ACAD10: variants seen among roughly 807,000 people sequenced by gnomAD.
ACAD10 encodes the protein ACAD-10.
In ACAD10, 112 loss-of-function variants were observed where a neutral mutation model predicts 116.8. The ratio of observed to expected loss-of-function variants is 0.96; its 90% CI spans 0.82 to 1.12. The LOEUF is 1.12. Ranked by LOEUF, ACAD10 falls within the 50% of genes most tolerant of loss-of-function variation. ACAD10 has a pLI of 0.00. For synonymous variants in ACAD10, 486 were observed against 510.6 expected (o/e 0.95, Z 0.65); for missense variants, 1,259 against 1,350.2 (o/e 0.93, Z 1.06).
In ACAD10 at chr12:111,693,840, A is replaced by G. The variant is rs117912421; in HGVS notation, c.187+944A>G. 9.6e-3 allele frequency among the ~76,000 whole-genome samples: 1,455 copies of G among 152,286 alleles called. 6 individuals carry two copies. The highest frequency in any genetic ancestry group is 0.015 in the Non-Finnish European group (1,034 of 68,018). ...CAAAACAGTGACTGAAACAAGCTAG[A>G]AGTTTCTTTCTCTTGCACATAAAAG... On this transcript the variant is annotated intron_variant, in intron 2 of 20. Transcript: ENST00000313698.
At position 111,756,433 on chromosome 12, in the gene ACAD10, G is replaced by A. The variant is rs75289932; in HGVS notation, c.3140G>A (p.Arg1047Gln). The change falls in exon 21 of 21, where the codon CGG becomes CAG. Residue 1047 changes from arginine to glutamine, a missense_variant. By Grantham distance (43) the Arg-to-Gln change is conservative. Transcript: ENST00000313698. ...GCCGACGGCCCTGACGAGGTGCACCGGGCCACGGTGGCCAAGCTAGAGCTG... is the reference window on the plus strand; with the variant it reads ...GCCGACGGCCCTGACGAGGTGCACCAGGCCACGGTGGCCAAGCTAGAGCTG... ...RFADGPDEVH[R>Q]ATVAKLELKH... 4,738 of 1,612,550 alleles carry A rather than the reference G, an allele frequency of 2.9e-3. 122 individuals carry two copies. The African/African-American group carries it at 0.054, about 18-fold the overall frequency.
At chr12:111,745,903 G>A (rs1642367332) in intron 13 of ACAD10, among the ~76,000 whole-genome samples, 1 of 142,964 alleles carries the variant, frequency 7.0e-6, no homozygotes, top group Admixed American at 7.3e-5. Flanking sequence ...ATGCAGTGGT[G>A]TGGTCATAGC....
At position 111,709,689 on chromosome 12, in the gene ACAD10, T is replaced by C. The variant is rs777143172; in HGVS notation, c.690+5T>C. ...CTTGGTATTCACACCATTAAGGTAA[T>C]AGTCACTAATTTTTGAACTCCCTCC... On this transcript the variant is annotated splice_donor_5th_base_variant and intron_variant, in intron 5 of 20. Coordinates refer to ENST00000313698, the MANE Select transcript of ACAD10 (RefSeq NM_025247.6). 13 of 1,602,978 alleles carry C rather than the reference T, an allele frequency of 8.1e-6. No homozygotes were observed. Among genetic ancestry groups the C allele is most frequent in the Admixed American group, 5.3e-5 (3 of 57,100 alleles).
chr12:111,728,650 GGC>G (rs988186682), intron 9 of ACAD10, among the ~76,000 whole-genome samples: 3 of 152,116 alleles, frequency 2.0e-5, no homozygotes. Context: ...TGGGACTCTG[GGC>G]ATGTGCCACC....
At chr12:111,716,897 T>A (rs1269375930) in intron 7 of ACAD10, among the ~76,000 whole-genome samples, 2 of 152,124 alleles carry the variant, frequency 1.3e-5, no homozygotes, top group African/African-American at 4.8e-5. Flanking sequence ...TTAAATATAC[T>A]ATAATCTGTA....
intron 7 of ACAD10, among the ~76,000 whole-genome samples, chr12:111,717,162 G>C (rs1414417469): frequency 6.6e-6 from 1 of 152,164 alleles, no homozygotes; most frequent in Non-Finnish European, 1.5e-5. Context: ...TTCGAGCCCA[G>C]CCTGGGCAAC....
chr12:111,687,165 A>G (rs150599431), intron 1 of ACAD10, among the ~76,000 whole-genome samples: 251 of 152,232 alleles, frequency 1.6e-3, no homozygotes, highest in African/African-American at 5.2e-3. Context: ...TACATAGTAC[A>G]TTCTAGATGT....
At chr12:111,725,314 C>T (rs1191784227) in intron 8 of ACAD10, among the ~76,000 whole-genome samples, 2 of 151,968 alleles carry the variant, frequency 1.3e-5, no homozygotes, top group African/African-American at 2.4e-5. Context: ...TTGAGACCAG[C>T]CAGGGCAACA....
intron 18 of ACAD10, among the ~76,000 whole-genome samples, chr12:111,750,101 T>G (rs1364572025): frequency 1.3e-5 from 2 of 148,272 alleles, no homozygotes; most frequent in South Asian, 2.1e-4. Flanking sequence ...TTTTGTTTTT[T>G]TTTTTTTTGA....
chr12:111,723,043 GGGGCGGCTGGCCGGGCA>G (rs1298916883), intron 8 of ACAD10, among the ~76,000 whole-genome samples: 1 of 147,226 alleles, frequency 6.8e-6, no homozygotes, highest in Non-Finnish European at 1.5e-5. Context: ...CCTCCCGGAC[GGGGCGGCTGGCCGGGCA>G]GAGGGGCTCC....
intron 5 of ACAD10, 50 bp from the exon 6 acceptor site, chr12:111,712,448 A>G: frequency 6.4e-7 from 1 of 1,550,674 alleles, no homozygotes; most frequent in Middle Eastern, 1.8e-4. Context: ...AAGGAAGGGA[A>G]AAATAACAAC....
At chr12:111,694,029 A>G (rs1888127948) in intron 2 of ACAD10, among the ~76,000 whole-genome samples, 1 of 152,140 alleles carries the variant, frequency 6.6e-6, no homozygotes, top group Non-Finnish European at 1.5e-5. Context: ...GCCAGCCAGC[A>G]GGAAGGACAA....
chr12:111,748,987 T>A, intron 17 of ACAD10, 186 bp from the exon 18 acceptor site: 3 of 1,598,412 alleles, frequency 1.9e-6, no homozygotes, highest in Non-Finnish European at 2.6e-6. Context: ...TATAAATCAG[T>A]GATTCATTTT....
Position 111,712,574 on chromosome 12 carries a change from C to T in ACAD10, c.767C>T (p.Thr256Ile). The change falls in exon 6 of 21, where the codon ACT becomes ATT. Residue 256 changes from threonine (T) to isoleucine (I), a missense_variant. By Grantham distance (89) the Thr-to-Ile change is moderately conservative. Coordinates refer to ENST00000313698, the MANE Select transcript of ACAD10 (RefSeq NM_025247.6). ...ACATTGAGAGTAGGTGTTCCAAACA[C>T]TCGGCCTGTGAAAAAGACGATGGAA... ...GFTLRVGVPN[T>I]RPVKKTMEIP... is the part of the protein sequence containing the mutation. The T allele has an allele frequency of 6.2e-7, 1 of 1,614,122 alleles. No individual in the cohort carries two copies. Among genetic ancestry groups the T allele is most frequent in the South Asian group, 1.1e-5 (1 of 91,078 alleles).
chr12:111,730,233 T>A (rs531670349), intron 10 of ACAD10, among the ~76,000 whole-genome samples: 1 of 151,970 alleles, frequency 6.6e-6, no homozygotes, highest in Non-Finnish European at 1.5e-5. Context: ...CCCCACAGAG[T>A]GTGACAACCA....
Position 111,748,398 on chromosome 12 carries a change from T to A in ACAD10, c.2567T>A (p.Val856Glu). Residue 856 changes from valine to glutamate, a missense_variant, in exon 17 of 21, where the codon GTG becomes GAG. Transcript: ENST00000313698. The part of the protein sequence containing the change: ...PHAPRHRQQS[V>E]LLVPMDTPGI... ...GCACCAAGACACCGGCAGCAGTCTGTGCTCTTGGTTCCCATGGATACCCCA... is the reference window on the plus strand; with the variant it reads ...GCACCAAGACACCGGCAGCAGTCTGAGCTCTTGGTTCCCATGGATACCCCA... The A allele has an allele frequency of 6.2e-7, 1 of 1,614,160 alleles. No individual in the cohort carries two copies. The highest frequency in any genetic ancestry group is 8.5e-7 in the Non-Finnish European group (1 of 1,180,034).
intron 2 of ACAD10, among the ~76,000 whole-genome samples, chr12:111,693,965 CT>C (rs1412532825): frequency 6.6e-6 from 1 of 152,132 alleles, no homozygotes; most frequent in African/African-American, 2.4e-5. Flanking sequence ...TTCATTTCCA[CT>C]CTTACATTGT....
At chr12:111,723,143 G>T (rs1338723234) in intron 8 of ACAD10, among the ~76,000 whole-genome samples, 1 of 146,194 alleles carries the variant, frequency 6.8e-6, no homozygotes, top group Non-Finnish European at 1.5e-5. Flanking sequence ...CGGGCGGGGG[G>T]CTGACCCCCC....
intron 11 of ACAD10, 100 bp downstream of exon 11, chr12:111,734,168 G>C: frequency 2.0e-6 from 3 of 1,530,588 alleles, no homozygotes; most frequent in Non-Finnish European, 2.7e-6. Flanking sequence ...CGGGGGAAGT[G>C]AAAGTGAGGT....
Sources: allele counts gnomAD v4.1 joint callset (sites outside exome capture counted in the v4.1 genomes callset), GRCh38; gene constraint gnomAD v4.1.1; transcripts MANE v1.5; gene names NCBI Gene and HGNC (gene_info 2026-07-23, HGNC 2026-07-21).